AMBRA1: variants seen among roughly 807,000 people sequenced by gnomAD.
The protein encoded by AMBRA1 is activating molecule in BECN1-regulated autophagy protein 1.
AMBRA1 carries 47 observed loss-of-function variants against 125.4 expected under a neutral mutation model. That is an observed-to-expected ratio of 0.37 (90% CI 0.30 to 0.48). The LOEUF is 0.48. AMBRA1 is among the 20% of genes least tolerant of loss of function. The pLI is 0.99. For synonymous variants in AMBRA1, 626 were observed against 655.5 expected, an observed-to-expected ratio of 0.95 and a Z score of 0.69; for missense variants, 1,331 against 1,693.4, an observed-to-expected ratio of 0.79 and a Z score of 3.76.
chr11:46,530,121 G>C (rs1952148640), intron 7 of AMBRA1, among the ~76,000 whole-genome samples: 1 of 152,208 alleles, frequency 6.6e-6, no homozygotes, highest in Non-Finnish European at 1.5e-5. Context: ...AGATACAGTA[G>C]AGAAGGGGAT....
chr11:46,399,952 C>G (rs1335576090), intron 17 of AMBRA1, among the ~76,000 whole-genome samples: 2 of 152,062 alleles, frequency 1.3e-5, no homozygotes, highest in African/African-American at 4.8e-5. Flanking sequence ...GCTGGGTGAC[C>G]TTGAAAAAAA....
intron 11 of AMBRA1, among the ~76,000 whole-genome samples, chr11:46,479,676 G>A (rs895207207): frequency 6.6e-6 from 1 of 152,082 alleles, no homozygotes; most frequent in Non-Finnish European, 1.5e-5. Context: ...CAGCCTGGGC[G>A]ACAGAGCGAG....
chr11:46,404,886 AG>A (rs1209101172), intron 17 of AMBRA1, among the ~76,000 whole-genome samples: 3 of 152,182 alleles, frequency 2.0e-5, no homozygotes, highest in Non-Finnish European at 2.9e-5. Context: ...AGAAAACAGC[AG>A]AGAATTCTCT....
intron 6 of AMBRA1, 118 bp downstream of exon 6, chr11:46,543,857 G>A (rs34874765): frequency 0.02 from 17,015 of 854,234 alleles, 205 homozygotes; most frequent in Non-Finnish European, 0.025. Context: ...TTTAAATCTT[G>A]ACTGGAAAGA....
chr11:46,487,578 G>A (rs1478426529), intron 11 of AMBRA1, among the ~76,000 whole-genome samples: 1 of 151,986 alleles, frequency 6.6e-6, no homozygotes, highest in Admixed American at 6.6e-5. Context: ...AGAAGGGAAT[G>A]GAGCCACAGG....
intron 7 of AMBRA1, among the ~76,000 whole-genome samples, chr11:46,534,116 T>C (rs1308976410): frequency 7.1e-6 from 1 of 140,920 alleles, no homozygotes; most frequent in Non-Finnish European, 1.5e-5. Flanking sequence ...ATAGAACTTA[T>C]CACTGTCTGG....
chr11:46,420,230 C>T (rs4433539), intron 14 of AMBRA1, among the ~76,000 whole-genome samples: 150,533 of 152,310 alleles, frequency 0.99, 74,419 homozygotes, highest in East Asian at 1. Context: ...ATGTAAGGAA[C>T]TCGTTAAGGC....
In AMBRA1 at chr11:46,501,722, A is replaced by G. The variant is rs554769927; in HGVS notation, c.2339+6469T>C. 2.0e-5 allele frequency among the ~76,000 whole-genome samples: 3 copies of G among 152,352 alleles called. 1 individual carries two copies. The highest frequency in any genetic ancestry group is 7.2e-5 in the African/African-American group (3 of 41,580). On this transcript the variant is annotated intron_variant, in intron 9 of 17. Transcript: ENST00000683756. Reference sequence around the variant, plus strand: ...CCAAAAATCAAATAATTATATTTTTATTAATCTTTTAGATGTACAAACAGC... The same window carrying G: ...CCAAAAATCAAATAATTATATTTTTGTTAATCTTTTAGATGTACAAACAGC...
At chr11:46,433,876 G>T (rs2136709343) in intron 13 of AMBRA1, among the ~76,000 whole-genome samples, 1 of 152,230 alleles carries the variant, frequency 6.6e-6, no homozygotes, top group South Asian at 2.1e-4. Context: ...AGCACTTTGG[G>T]AGGCCGAGGT....
intron 8 of AMBRA1, among the ~76,000 whole-genome samples, chr11:46,510,728 G>A (rs905259633): frequency 6.6e-6 from 1 of 152,098 alleles, no homozygotes; most frequent in Non-Finnish European, 1.5e-5. Context: ...GTATATCCTA[G>A]CCTTGTCCTT....
chr11:46,573,187 C>T (rs2043827308), intron 1 of AMBRA1, among the ~76,000 whole-genome samples: 1 of 151,768 alleles, frequency 6.6e-6, no homozygotes, highest in Admixed American at 6.6e-5. Context: ...GGCTGATCAC[C>T]TGAGGTCAGG....
At chr11:46,524,331 A>G (rs923382692) in intron 7 of AMBRA1, among the ~76,000 whole-genome samples, 1 of 152,230 alleles carries the variant, frequency 6.6e-6, no homozygotes, top group African/African-American at 2.4e-5. Flanking sequence ...AGTATGTGAC[A>G]GGTGAAGGCC....
At chr11:46,580,057 C>T (rs1199164793) in intron 1 of AMBRA1, among the ~76,000 whole-genome samples, 2 of 152,218 alleles carry the variant, frequency 1.3e-5, no homozygotes, top group African/African-American at 2.4e-5. Context: ...TCCACTTCGT[C>T]CCTTCCCATG....
At chr11:46,494,327 T>C (rs1950560578) in intron 9 of AMBRA1, 123 bp from the exon 10 acceptor site, 2 of 727,312 alleles carry the variant, frequency 2.7e-6, no homozygotes, top group Admixed American at 2.4e-5. Context: ...CATAAATTAG[T>C]CATCTGGCTG....
chr11:46,499,749 T>C (rs977853414), intron 9 of AMBRA1, among the ~76,000 whole-genome samples: 6 of 152,092 alleles, frequency 3.9e-5, no homozygotes, highest in Non-Finnish European at 7.4e-5. Flanking sequence ...CTCCGCCTCC[T>C]GTGTTCAAGC....
chr11:46,481,716 AC>A (rs1462078992), intron 11 of AMBRA1, among the ~76,000 whole-genome samples: 2 of 152,154 alleles, frequency 1.3e-5, no homozygotes, highest in East Asian at 3.9e-4. Flanking sequence ...CTGTTTTTCT[AC>A]CAACAAAGAA....
intron 11 of AMBRA1, among the ~76,000 whole-genome samples, chr11:46,450,962 G>C (rs1948561914): frequency 6.6e-6 from 1 of 152,176 alleles, no homozygotes; most frequent in African/African-American, 2.4e-5. Flanking sequence ...GGGTGTAAGG[G>C]GAGGGAGTAT....
At chr11:46,485,526 C>T (rs992609266) in intron 11 of AMBRA1, among the ~76,000 whole-genome samples, 1 of 152,264 alleles carries the variant, frequency 6.6e-6, no homozygotes, top group South Asian at 2.1e-4. Flanking sequence ...AGGGCTAAAA[C>T]AAAACATAGA....
intron 14 of AMBRA1, among the ~76,000 whole-genome samples, chr11:46,422,983 T>C (rs1432132294): frequency 1.3e-5 from 2 of 152,086 alleles, no homozygotes; most frequent in Non-Finnish European, 2.9e-5. Flanking sequence ...AGAAAGGAAC[T>C]GTGAGGAGGA....
Sources: gnomAD v4.1 joint callset for allele counts (sites outside exome capture counted in the v4.1 genomes callset) on GRCh38, gnomAD v4.1.1 for gene constraint, MANE v1.5 for transcripts, NCBI Gene and HGNC (gene_info 2026-07-23, HGNC 2026-07-21) for gene names.